Variants in PLA2G4F observed in about 807,000 individuals in gnomAD.
PLA2G4F encodes the protein cytosolic phospholipase A2 zeta.
In PLA2G4F, 105 loss-of-function variants were observed where a neutral mutation model predicts 103.1. The observed-to-expected ratio is 1.02, with a 90% CI of 0.87 to 1.20. The LOEUF (loss-of-function observed/expected upper bound fraction) is 1.20. Among genes scored for constraint, PLA2G4F ranks in the 50% most tolerant of loss-of-function variants. The pLI is 0.00. For synonymous variants in PLA2G4F, 468 were observed against 441.1 expected (o/e 1.06, Z -0.76); for missense variants, 1,155 against 1,075.9 (o/e 1.07, Z -1.03).
intron 13 of PLA2G4F, 135 bp from the exon 14 acceptor site, chr15:42,146,376 G>C: frequency 1.3e-6 from 1 of 782,088 alleles, no homozygotes; most frequent in Non-Finnish European, 2.1e-6. Flanking sequence ...AGTGCTGTAA[G>C]GACAGCCCTC....
In PLA2G4F at chr15:42,154,215, G is replaced by A. The variant is rs767361504; in HGVS notation, c.327C>T (p.Val109=). ...HYQIHGAVKN[V]LELTLYDKDI... is the part of the protein sequence containing the mutation. ...CCTTGTCATAGAGGGTGAGCTCCAG[G>A]ACGTTCTGGGGACAAGGCAGGCAGG... Residue 109 remains valine, a synonymous_variant, in exon 4 of 20, where the codon GTC becomes GTT. Coordinates refer to ENST00000397272, the MANE Select transcript of PLA2G4F (RefSeq NM_213600.4). 6.2e-7 allele frequency: 1 copy of A among 1,614,194 alleles called. No homozygotes were observed. Among genetic ancestry groups the A allele is most frequent in the Non-Finnish European group, 8.5e-7 (1 of 1,180,022 alleles).
At position 42,154,645 on chromosome 15, in the gene PLA2G4F, C is replaced by G. The variant is rs180764421; in HGVS notation, c.185-187G>C. The G allele has an allele frequency of 1.4e-4, 82 of 571,200 alleles. No homozygotes were observed. In the African/African-American group the frequency reaches 1.4e-3, roughly 10 times the overall value. 35.4% of individuals were successfully genotyped at this position (571,200 alleles called of 1,614,324 possible). A position where few individuals can be genotyped will look rare whatever the true frequency, so the allele number is the denominator to read the frequency against. ...ACTCCATCTTGATTCCACACACCTCCCATTCACCTGAACAGAAATCCTGCG... is the reference window on the plus strand; with the variant it reads ...ACTCCATCTTGATTCCACACACCTCGCATTCACCTGAACAGAAATCCTGCG... On this transcript the variant is annotated intron_variant, in intron 2 of 19. Coordinates refer to ENST00000397272, the MANE Select transcript of PLA2G4F (RefSeq NM_213600.4).
intron 11 of PLA2G4F, chr15:42,149,177 T>C: frequency 2.0e-6 from 2 of 984,464 alleles, no homozygotes; most frequent in Non-Finnish European, 2.4e-6. Flanking sequence ...TCCAAATTCC[T>C]GTGTTGAAGC....
In PLA2G4F at chr15:42,145,672, GC is replaced by G. The variant is rs1204312406; in HGVS notation, c.1682del (p.Gly561AlafsTer13). 6.2e-7 allele frequency: 1 copy of G among 1,613,932 alleles called. No homozygotes were observed. The highest frequency in any genetic ancestry group is 2.2e-5 in the East Asian group (1 of 44,876). The stretch of plus-strand genomic sequence containing the variant: ...CATCCAGGCTGGTGGCAAAGGCGCT[GC>G]CCCACATACCTAAGGAGACAGGCAG... ...PRICYLQGMW[G>X]SAFATSLDEI... On this transcript the variant is annotated frameshift_variant, in exon 16 of 20. Transcript: ENST00000397272. LOFTEE classifies it high-confidence loss of function.
chr15:42,151,543 A>C, intron 7 of PLA2G4F: 1 of 985,178 alleles, frequency 1.0e-6, no homozygotes, highest in Non-Finnish European at 1.2e-6. Flanking sequence ...AGCAACAGAG[A>C]CCCAAAGTAT....
In PLA2G4F at chr15:42,154,077, C is replaced by T; in HGVS notation, c.450+15G>A. 1.9e-6 allele frequency: 3 copies of T among 1,614,074 alleles called. No individual in the cohort carries two copies. The highest frequency in any genetic ancestry group is 1.6e-4 in the Middle Eastern group (1 of 6,062). On this transcript the variant is annotated intron_variant, in intron 4 of 19. Coordinates refer to ENST00000397272, the MANE Select transcript of PLA2G4F (RefSeq NM_213600.4). ...CTCCTCCAGCTGGGCTCTCCGCCAGCACTGGTGGGCTCACCTGGTGGTTGA... is the reference window on the plus strand; with the variant it reads ...CTCCTCCAGCTGGGCTCTCCGCCAGTACTGGTGGGCTCACCTGGTGGTTGA...
chr15:42,148,072 A>C (rs763956955), intron 11 of PLA2G4F, among the ~76,000 whole-genome samples: 7 of 151,814 alleles, frequency 4.6e-5, no homozygotes, highest in Non-Finnish European at 7.4e-5. Flanking sequence ...AGTCCCAGCT[A>C]TCTGGAGGCT....
chr15:42,147,137 A>C lies in PLA2G4F; in HGVS notation c.1406T>G (p.Leu469Arg). The change falls in exon 13 of 20, where the codon CTC becomes CGC. Residue 469 changes from leucine (L) to arginine (R), a missense_variant. Transcript: ENST00000397272. Reference sequence around the variant, plus strand: ...CTCTTCTCTCACCTCCTGGTACAGGAGATACTCAACAAGGAGGCCCCAGAG... The same window carrying C: ...CTCTTCTCTCACCTCCTGGTACAGGCGATACTCAACAAGGAGGCCCCAGAG... ...IDLWGLLVEY[L>R]LYQEENPAKL... The C allele has an allele frequency of 6.2e-7, 1 of 1,612,412 alleles. No homozygotes were observed. The highest frequency in any genetic ancestry group is 8.5e-7 in the Non-Finnish European group (1 of 1,179,884).
chr15:42,150,879 C>A, intron 7 of PLA2G4F, 102 bp from the exon 8 acceptor site: 3 of 1,499,804 alleles, frequency 2.0e-6, no homozygotes, highest in East Asian at 4.9e-5. Context: ...CCCTTCTCTT[C>A]CCCTAGGAAA....
At position 42,146,041 on chromosome 15, in the gene PLA2G4F, T is replaced by G. The variant is rs2048881264; in HGVS notation, c.1534+86A>C. On this transcript the variant is annotated intron_variant, in intron 14 of 19. Transcript: ENST00000397272. Reference sequence around the variant, plus strand: ...TCCAAGGTGCCTGTGTGCAACCACCTCCTCTGGGTACCCTGATCACCCTGG... The same window carrying G: ...TCCAAGGTGCCTGTGTGCAACCACCGCCTCTGGGTACCCTGATCACCCTGG... The G allele has an allele frequency of 3.2e-6, 5 of 1,578,750 alleles. No individual in the cohort carries two copies. The South Asian group carries it at 5.6e-5, about 18-fold the overall frequency.
Position 42,141,909 on chromosome 15 carries a change from C to A in PLA2G4F, c.*75G>T. The A allele has an allele frequency of 1.4e-6, 2 of 1,423,382 alleles. No homozygotes were observed. The highest frequency in any genetic ancestry group is 9.7e-7 in the Non-Finnish European group (1 of 1,031,454). The allele number at this position is 1,423,382 out of a possible 1,614,324, so 88.2% of individuals were successfully genotyped here. On this transcript the variant is annotated 3_prime_UTR_variant, in exon 20 of 20. Transcript: ENST00000397272. Reference sequence around the variant, plus strand: ...AGCAGATCCTGCACAGAGTCCCCATCGCTCCTCCCTCTACAAGCCCTGACC... The same window carrying A: ...AGCAGATCCTGCACAGAGTCCCCATAGCTCCTCCCTCTACAAGCCCTGACC...
chr15:42,150,100 T>G lies in PLA2G4F; in HGVS notation c.923+4A>C. ...AGAGGCCTTCTGCCTGGAGTCCCAC[T>G]CACCTCATTTCCACCTTCATGCTCA... On this transcript the variant is annotated splice_donor_region_variant and intron_variant, in intron 10 of 19. Coordinates refer to ENST00000397272, the MANE Select transcript of PLA2G4F (RefSeq NM_213600.4). 6.2e-7 allele frequency: 1 copy of G among 1,614,130 alleles called. No individual in the cohort carries two copies. Among genetic ancestry groups the G allele is most frequent in the Non-Finnish European group, 8.5e-7 (1 of 1,180,012 alleles).
chr15:42,146,750 G>A (rs1186620151), intron 13 of PLA2G4F: 4 of 238,338 alleles, frequency 1.7e-5, no homozygotes, highest in Non-Finnish European at 3.3e-5. Context: ...AATTGGCTGA[G>A]AAGTGGGTGT....
chr15:42,148,355 G>A (rs1272294873), intron 11 of PLA2G4F, among the ~76,000 whole-genome samples: 1 of 152,124 alleles, frequency 6.6e-6, no homozygotes, highest in Non-Finnish European at 1.5e-5. Context: ...AGACCTGGAA[G>A]GTATATCTGA....
chr15:42,146,233 AG>A lies in PLA2G4F; in HGVS notation c.1427del (p.Pro476LeufsTer30). The A allele has an allele frequency of 6.2e-7, 1 of 1,614,184 alleles. No individual in the cohort carries two copies. The highest frequency in any genetic ancestry group is 1.3e-5 in the African/African-American group (1 of 75,066). On this transcript the variant is annotated frameshift_variant, in exon 14 of 20. Coordinates refer to ENST00000397272, the MANE Select transcript of PLA2G4F (RefSeq NM_213600.4). LOFTEE classifies it high-confidence loss of function. ...CCTCCTGTTGGTCAGACAGCTTGGC[AG>A]GGTTCTCCTGGGCAGGAAAGAAGGG... ...VEYLLYQEEN[P>X]AKLSDQQEAV...
chr15:42,155,544 C>A lies in PLA2G4F; in HGVS notation c.157G>T (p.Ala53Ser). 6.2e-7 allele frequency: 1 copy of A among 1,614,106 alleles called. No individual in the cohort carries two copies. Among genetic ancestry groups the A allele is most frequent in the Non-Finnish European group, 8.5e-7 (1 of 1,179,960 alleles). ...AGGTCTGTGCCCCGGATGTTTGTGG[C>A]CCTCAGCACCTTCACCTGGAGGTCA... ...YYDLQVKVLR[A>S]TNIRGTDLLS... Residue 53 changes from alanine to serine, a missense_variant, in exon 2 of 20, where the codon GCC becomes TCC. Coordinates refer to ENST00000397272, the MANE Select transcript of PLA2G4F (RefSeq NM_213600.4).
chr15:42,147,297 G>C lies in PLA2G4F; in HGVS notation c.1246C>G (p.Gln416Glu), dbSNP rs139998982. 1 of 1,610,570 alleles carries C rather than the reference G, an allele frequency of 6.2e-7. No individual in the cohort carries two copies. The highest frequency in any genetic ancestry group is 1.1e-5 in the South Asian group (1 of 91,004). ...ACCTGGGCACGCTCAATGGGGCCCT[G>C]CAAGGCCACCTGGGACCAGGCTGGG... is the stretch of plus-strand genomic sequence containing the variant. ...RDPAWSQVAL[Q>E]GPIERAQVHV... is the part of the protein sequence containing the mutation. The change falls in exon 13 of 20, where the codon CAG (glutamine) becomes GAG (glutamate). Residue 416 changes from glutamine (Q) to glutamate (E), a missense_variant. Physicochemically the swap from Gln to Glu is conservative, Grantham distance 29. Transcript: ENST00000397272.
rs1335832871 is a variant in PLA2G4F at position 42,139,293 on chromosome 15, C to T, written c.*2691G>A. The T allele has an allele frequency of 6.5e-6, 1 of 154,132 alleles. No individual in the cohort carries two copies. The allele number at this position is 154,132 out of a possible 1,614,324, so 9.5% of individuals were successfully genotyped here. A position where few individuals can be genotyped will look rare whatever the true frequency, so the allele number is the denominator to read the frequency against. ...ACACTCCCTCGTACCTACTCCTTGCCCTCTGCCTCAGGGTTATAGAACAGC... is the reference window on the plus strand; with the variant it reads ...ACACTCCCTCGTACCTACTCCTTGCTCTCTGCCTCAGGGTTATAGAACAGC... On this transcript the variant is annotated 3_prime_UTR_variant, in exon 20 of 20. Transcript: ENST00000397272.
At chr15:42,142,373 C>T (rs368032715) in intron 19 of PLA2G4F, among the ~76,000 whole-genome samples, 155 bp downstream of exon 19, 4 of 152,330 alleles carry the variant, frequency 2.6e-5, no homozygotes, top group Admixed American at 6.5e-5. Flanking sequence ...CCCATCTGAA[C>T]GCTGAGACCC....
Sources: allele counts gnomAD v4.1 joint callset (sites outside exome capture counted in the v4.1 genomes callset), GRCh38; gene constraint gnomAD v4.1.1; transcripts MANE v1.5; gene names NCBI Gene and HGNC (gene_info 2026-07-23, HGNC 2026-07-21).